AKR1C8: variants seen among roughly 807,000 people sequenced by gnomAD.
AKR1C8 encodes aldo-keto reductase family 1 member C8.
chr10:5,166,652 G>A, the AKR1C8 span, among the ~76,000 whole-genome samples: 1 of 152,154 alleles, frequency 6.6e-6, no homozygotes, highest in Non-Finnish European at 1.5e-5. Context: ...ATGGGTTAAA[G>A]ACTTAAACGA....
At chr10:5,180,153 G>A in the AKR1C8 span, among the ~76,000 whole-genome samples, 2 of 152,276 alleles carry the variant, frequency 1.3e-5, no homozygotes, top group East Asian at 1.9e-4. Context: ...TGGGCTTTTA[G>A]TGTGGATGTC....
chr10:5,166,707 A>C, the AKR1C8 span, among the ~76,000 whole-genome samples: 82,929 of 151,828 alleles, frequency 0.55, 23,547 homozygotes, highest in Non-Finnish European at 0.6. Flanking sequence ...CTAGGCAATA[A>C]CATTCAGGAC....
At chr10:5,185,095 C>A in the AKR1C8 span, 1 of 534,762 alleles carries the variant, frequency 1.9e-6, no homozygotes, top group Non-Finnish European at 3.8e-6. Flanking sequence ...TGCTTCAGAT[C>A]CGTCATCATC....
At chr10:5,133,519 T>A in the AKR1C8 span, among the ~76,000 whole-genome samples, 1 of 152,144 alleles carries the variant, frequency 6.6e-6, no homozygotes, top group African/African-American at 2.4e-5. Context: ...CACACTGACT[T>A]CCTCCAGCAT....
chr10:5,139,226 C>T, the AKR1C8 span, among the ~76,000 whole-genome samples: 4 of 152,232 alleles, frequency 2.6e-5, no homozygotes, highest in African/African-American at 4.8e-5. Flanking sequence ...CCATACTGCC[C>T]AAGGTAATTT....
chr10:5,148,454 A>T, the AKR1C8 span, among the ~76,000 whole-genome samples: 1 of 152,160 alleles, frequency 6.6e-6, no homozygotes, highest in African/African-American at 2.4e-5. Flanking sequence ...GAAAAATGCA[A>T]GTCACAGTAA....
At chr10:5,180,259 G>A in the AKR1C8 span, among the ~76,000 whole-genome samples, 1 of 152,176 alleles carries the variant, frequency 6.6e-6, no homozygotes, top group Admixed American at 6.5e-5. Flanking sequence ...TGTTTGTCTG[G>A]GTATCCGCAG....
the AKR1C8 span, chr10:5,123,496 G>A: frequency 2.1e-6 from 1 of 482,840 alleles, no homozygotes; most frequent in Non-Finnish European, 3.7e-6. Context: ...TTGTTAGGCG[G>A]CTCCCTAAAC....
At chr10:5,121,751 T>A in the AKR1C8 span, among the ~76,000 whole-genome samples, 1 of 152,152 alleles carries the variant, frequency 6.6e-6, no homozygotes, top group African/African-American at 2.4e-5. Context: ...ATCATATTAA[T>A]TTTTCTTTTT....
At chr10:5,131,995 T>G in the AKR1C8 span, among the ~76,000 whole-genome samples, 1 of 152,094 alleles carries the variant, frequency 6.6e-6, no homozygotes, top group African/African-American at 2.4e-5. Context: ...CATAGAATGG[T>G]GTATATGTAA....
chr10:5,165,653 C>T, the AKR1C8 span, among the ~76,000 whole-genome samples: 1 of 152,148 alleles, frequency 6.6e-6, no homozygotes, highest in Non-Finnish European at 1.5e-5. Flanking sequence ...TCCACTTACA[C>T]TGACATTTAA....
the AKR1C8 span, chr10:5,161,813 G>A: frequency 1.1e-5 from 6 of 534,710 alleles, no homozygotes; most frequent in South Asian, 8.4e-5. Flanking sequence ...TTATAACCAT[G>A]ATGAAACAGT....
chr10:5,152,274 T>G, the AKR1C8 span, among the ~76,000 whole-genome samples: 1 of 152,184 alleles, frequency 6.6e-6, no homozygotes, highest in Non-Finnish European at 1.5e-5. Flanking sequence ...ACATAATTTT[T>G]GTCTTTCCAG....
the AKR1C8 span, among the ~76,000 whole-genome samples, chr10:5,165,161 C>T: frequency 6.5e-4 from 99 of 152,270 alleles, no homozygotes; most frequent in Middle Eastern, 3.4e-3. Context: ...TATTTCACCA[C>T]GAGTGAATAC....
the AKR1C8 span, among the ~76,000 whole-genome samples, chr10:5,134,638 A>G: frequency 6.6e-6 from 1 of 152,194 alleles, no homozygotes; most frequent in East Asian, 1.9e-4. Context: ...GTCCAAGACC[A>G]GTATTATTAC....
chr10:5,168,599 A>G, the AKR1C8 span, among the ~76,000 whole-genome samples: 5 of 152,180 alleles, frequency 3.3e-5, no homozygotes, highest in Non-Finnish European at 5.9e-5. Flanking sequence ...TTGATCTTAC[A>G]TAGAGAGATG....
At chr10:5,168,280 G>A in the AKR1C8 span, among the ~76,000 whole-genome samples, 96 of 152,082 alleles carry the variant, frequency 6.3e-4, 1 homozygote, top group South Asian at 0.02. Flanking sequence ...GCCCACAGTA[G>A]ACAACTCCCC....
At chr10:5,159,246 G>GAGATCAGATTCAAA in the AKR1C8 span, among the ~76,000 whole-genome samples, 1 of 152,014 alleles carries the variant, frequency 6.6e-6, no homozygotes, top group Non-Finnish European at 1.5e-5. Flanking sequence ...CATTAATCAA[G>GAGATCAGATTCAAA]TGAGATCAGA....
At chr10:5,177,913 A>G in the AKR1C8 span, among the ~76,000 whole-genome samples, 1 of 151,748 alleles carries the variant, frequency 6.6e-6, no homozygotes, top group South Asian at 2.1e-4. Context: ...AATTTTGTTG[A>G]TCCTTTCAAA....
Sources: allele counts gnomAD v4.1 joint callset (sites outside exome capture counted in the v4.1 genomes callset), GRCh38; gene constraint gnomAD v4.1.1; transcripts MANE v1.5; gene names NCBI Gene and HGNC (gene_info 2026-07-23, HGNC 2026-07-21).